CYP2C19: variants seen among roughly 807,000 people sequenced by gnomAD.
CYP2C19 encodes cytochrome P450 2C19.
A neutral mutation model predicts 40.9 loss-of-function variants in CYP2C19; 59 were observed. That is an observed-to-expected ratio of 1.44 (90% CI 1.17 to 1.79). The LOEUF (loss-of-function observed/expected upper bound fraction) is 1.79, where lower values mean the gene tolerates loss of function less well. Ranked by LOEUF, CYP2C19 falls within the 40% of genes most tolerant of loss-of-function variation. The pLI is 0.00. For synonymous variants in CYP2C19, 253 were observed against 208.7 expected (o/e 1.21, Z -1.83); for missense variants, 754 against 596.9 (o/e 1.26, Z -2.74).
chr10:94,794,291 C>T (rs79316654), intron 5 of CYP2C19, among the ~76,000 whole-genome samples: 2 of 152,176 alleles, frequency 1.3e-5, no homozygotes, highest in South Asian at 2.1e-4. Flanking sequence ...GGGAATTCCC[C>T]CACCCCTTGT....
chr10:94,835,193 G>A (rs1006352104), intron 6 of CYP2C19, among the ~76,000 whole-genome samples: 1 of 152,168 alleles, frequency 6.6e-6, no homozygotes, highest in Non-Finnish European at 1.5e-5. Flanking sequence ...GGATTGAAAT[G>A]TATGGCCTGC....
chr10:94,853,043 G>A lies in CYP2C19; in HGVS notation c.*129G>A, dbSNP rs1352142098. On this transcript the variant is annotated 3_prime_UTR_variant, in exon 9 of 9. Transcript: ENST00000371321. ...ATTTTCCCTTCCCCCAAGATCTAGT[G>A]AACATTCAGCCTCCATTAAAAAAGT... is the stretch of plus-strand genomic sequence containing the variant. 1.0e-6 allele frequency: 1 copy of A among 986,866 alleles called. No homozygotes were observed. The highest frequency in any genetic ancestry group is 1.5e-6 in the Non-Finnish European group (1 of 669,080). 61.1% of individuals were successfully genotyped at this position (986,866 alleles called of 1,614,324 possible).
At chr10:94,765,616 G>A (rs1848229843) in intron 1 of CYP2C19, among the ~76,000 whole-genome samples, 1 of 152,122 alleles carries the variant, frequency 6.6e-6, no homozygotes, top group Non-Finnish European at 1.5e-5. Context: ...GTGATTGAAA[G>A]GGGATGAGAA....
chr10:94,830,149 C>A (rs1305670350), intron 6 of CYP2C19, among the ~76,000 whole-genome samples: 1 of 152,234 alleles, frequency 6.6e-6, no homozygotes, highest in Non-Finnish European at 1.5e-5. Context: ...CCTACAGAGG[C>A]AGGCAGGCCT....
intron 6 of CYP2C19, among the ~76,000 whole-genome samples, chr10:94,835,987 A>G (rs1353480873): frequency 3.3e-5 from 5 of 152,162 alleles, no homozygotes; most frequent in Non-Finnish European, 7.4e-5. Context: ...GGGAACCTCT[A>G]AAAGTTCCCC....
chr10:94,810,368 A>G (rs1031625552), intron 5 of CYP2C19, among the ~76,000 whole-genome samples: 4 of 151,220 alleles, frequency 2.6e-5, no homozygotes, highest in African/African-American at 9.7e-5. Flanking sequence ...TATGTCTGCC[A>G]AGTTTTGGTA....
At chr10:94,776,147 AAT>A (rs1848405852) in intron 3 of CYP2C19, 3 of 152,344 alleles carry the variant, frequency 2.0e-5, no homozygotes, top group Admixed American at 2.0e-4. Context: ...TTATTTAAAA[AAT>A]AGTGTTAATT....
chr10:94,827,021 C>T (rs893925969), intron 6 of CYP2C19, among the ~76,000 whole-genome samples: 1 of 152,132 alleles, frequency 6.6e-6, no homozygotes, highest in Admixed American at 6.6e-5. Context: ...CCCACTCGAT[C>T]ATGGTGGATA....
At chr10:94,809,507 A>C (rs538838445) in intron 5 of CYP2C19, among the ~76,000 whole-genome samples, 1 of 152,134 alleles carries the variant, frequency 6.6e-6, no homozygotes, top group African/African-American at 2.4e-5. Context: ...TAATCTGCAA[A>C]CAGACAAAAT....
chr10:94,768,711 G>T (rs1175022637), intron 1 of CYP2C19, among the ~76,000 whole-genome samples: 3 of 152,126 alleles, frequency 2.0e-5, no homozygotes, highest in African/African-American at 7.2e-5. Context: ...CCAGCCTTTT[G>T]CTACAACATC....
intron 6 of CYP2C19, among the ~76,000 whole-genome samples, chr10:94,836,508 A>G (rs1457820171): frequency 6.6e-6 from 1 of 152,206 alleles, no homozygotes; most frequent in East Asian, 1.9e-4. Context: ...TCAGGTGTCC[A>G]TCTTACTAAA....
chr10:94,847,231 C>T (rs1849584966), intron 7 of CYP2C19, among the ~76,000 whole-genome samples: 1 of 152,110 alleles, frequency 6.6e-6, no homozygotes, highest in Non-Finnish European at 1.5e-5. Context: ...TCCTCCCTCC[C>T]TCCACCCCAA....
At chr10:94,780,224 T>C (rs911008420) in intron 3 of CYP2C19, among the ~76,000 whole-genome samples, 1 of 138,046 alleles carries the variant, frequency 7.2e-6, no homozygotes, top group Non-Finnish European at 1.7e-5. Flanking sequence ...AAAAAGTCTC[T>C]TTTTTTCTTT....
At chr10:94,849,429 G>GA (rs56881482) in intron 7 of CYP2C19, among the ~76,000 whole-genome samples, 76 of 149,182 alleles carry the variant, frequency 5.1e-4, no homozygotes, top group African/African-American at 1.7e-3. Context: ...AGTACAAAGA[G>GA]AAAAAAAAAG....
chr10:94,829,811 G>A (rs1849297360), intron 6 of CYP2C19, among the ~76,000 whole-genome samples: 1 of 151,286 alleles, frequency 6.6e-6, no homozygotes, highest in Non-Finnish European at 1.5e-5. Flanking sequence ...CTTTGATGAT[G>A]GTGATGTGCA....
rs1849042238 is a variant in CYP2C19, at chr10:94,818,164, T to G, written c.820-2332T>G. 1.0e-4 allele frequency among the ~76,000 whole-genome samples: 15 copies of G among 148,514 alleles called. No individual in the cohort carries two copies. In the South Asian group the frequency reaches 3.3e-3, roughly 33 times the overall value. On this transcript the variant is annotated intron_variant, in intron 5 of 8. Coordinates refer to ENST00000371321, the MANE Select transcript of CYP2C19 (RefSeq NM_000769.4). ...AATAGGGAATCCTTTCCCCATTGCT[T>G]GTTTTTCTCAGGTTTGTCAAAGATC...
chr10:94,823,241 G>T (rs1408652873), intron 6 of CYP2C19, among the ~76,000 whole-genome samples: 1 of 152,080 alleles, frequency 6.6e-6, no homozygotes, highest in Non-Finnish European at 1.5e-5. Context: ...CTCTGCCTAG[G>T]TTTCCTACAC....
chr10:94,837,848 A>G (rs1338025769), intron 6 of CYP2C19, among the ~76,000 whole-genome samples: 1 of 152,084 alleles, frequency 6.6e-6, no homozygotes, highest in East Asian at 1.9e-4. Context: ...GACTCAGAGG[A>G]CCTTCATCCC....
At chr10:94,774,868 G>A (rs984588049) in intron 1 of CYP2C19, 190 bp from the exon 2 acceptor site, 1 of 631,638 alleles carries the variant, frequency 1.6e-6, no homozygotes. Context: ...CCATTGCCTT[G>A]AACATCATAG....
Sources: allele counts gnomAD v4.1 joint callset (sites outside exome capture counted in the v4.1 genomes callset), GRCh38; gene constraint gnomAD v4.1.1; transcripts MANE v1.5; gene names NCBI Gene and HGNC (gene_info 2026-07-23, HGNC 2026-07-21).